SLC4A4: variants seen among roughly 807,000 people sequenced by gnomAD.
The protein encoded by SLC4A4 is electrogenic sodium bicarbonate cotransporter 1.
SLC4A4 carries 27 observed loss-of-function variants against 111.5 expected under a neutral mutation model. That is an observed-to-expected ratio of 0.24 (90% CI 0.18 to 0.33). The LOEUF is 0.33. SLC4A4 is among the 10% of genes least tolerant of loss of function. SLC4A4 has a pLI of 1.00. For synonymous variants in SLC4A4, 443 were observed against 463.4 expected (o/e 0.96, Z 0.57); for missense variants, 909 against 1,315.5 (o/e 0.69, Z 4.78).
chr4:71,137,045 A>T (rs1329729711), intron 2 of SLC4A4, among the ~76,000 whole-genome samples: 1 of 152,102 alleles, frequency 6.6e-6, no homozygotes, highest in Non-Finnish European at 1.5e-5. Flanking sequence ...TGAGAATATA[A>T]TATCATGACC....
intron 1 of SLC4A4, among the ~76,000 whole-genome samples, chr4:71,198,311 A>G (rs1390117156): frequency 2.0e-5 from 3 of 152,236 alleles, no homozygotes; most frequent in Non-Finnish European, 4.4e-5. Flanking sequence ...TCCTTAATAT[A>G]TTGATAAATA....
intron 6 of SLC4A4, among the ~76,000 whole-genome samples, chr4:71,365,909 T>C (rs1235589405): frequency 1.3e-5 from 2 of 152,172 alleles, no homozygotes; most frequent in Non-Finnish European, 2.9e-5. Flanking sequence ...TTAATAATCA[T>C]ATGCTAATTC....
At position 71,106,165 on chromosome 4, in the gene SLC4A4, T is replaced by C. The variant is rs1010400285; in HGVS notation, c.-2+13373T>C. Reference sequence around the variant, plus strand: ...GACATTTATGCAGTCAAAAAACACATGAAAAAATGCTAACCATCACTGGCC... The same window carrying C: ...GACATTTATGCAGTCAAAAAACACACGAAAAAATGCTAACCATCACTGGCC... On this transcript the variant is annotated intron_variant, in intron 2 of 26. Coordinates refer to the SLC4A4 transcript ENST00000649996. 1.1e-4 allele frequency among the ~76,000 whole-genome samples: 17 copies of C among 151,728 alleles called. No homozygotes were observed. The East Asian group carries it at 3.3e-3, about 30-fold the overall frequency.
chr4:71,182,476 GGT>G (rs1745323104), upstream of SLC4A4, among the ~76,000 whole-genome samples: 1 of 152,132 alleles, frequency 6.6e-6, no homozygotes. Context: ...GGATGTGAAC[GGT>G]AATAGGCCAG....
At chr4:71,184,728 A>C (rs182208948), upstream of SLC4A4, among the ~76,000 whole-genome samples, 1 of 152,354 alleles carries the variant, frequency 6.6e-6, no homozygotes, top group East Asian at 1.9e-4. Context: ...GTGAACAAAA[A>C]TCTCAGGATT....
intron 6 of SLC4A4, among the ~76,000 whole-genome samples, chr4:71,366,315 T>TTGTGTG (rs71673473): frequency 0.073 from 10,060 of 137,828 alleles, 407 homozygotes; most frequent in Non-Finnish European, 0.078. Flanking sequence ...TCTGGAGATA[T>TTGTGTG]TGTGTGTGTG....
chr4:71,079,748 G>T lies in SLC4A4; in HGVS notation c.-64-12982G>T, dbSNP rs78390216. 3.0e-4 allele frequency among the ~76,000 whole-genome samples: 45 copies of T among 149,108 alleles called. No homozygotes were observed. In the East Asian group the frequency reaches 7.0e-3, roughly 23 times the overall value. ...CAGTGGCTGTGCCACTGCATTCTAG[G>T]CTAGGTGATAGAATGAAACTCTGTC... On this transcript the variant is annotated intron_variant, in intron 1 of 26. Coordinates refer to the SLC4A4 transcript ENST00000649996.
At chr4:71,424,765 C>G (rs2149030697) in intron 7 of SLC4A4, among the ~76,000 whole-genome samples, 1 of 152,158 alleles carries the variant, frequency 6.6e-6, no homozygotes, top group Non-Finnish European at 1.5e-5. Flanking sequence ...ACCGCATATT[C>G]TCACTCATAG....
chr4:71,495,026 A>G (rs1730274686), intron 15 of SLC4A4, among the ~76,000 whole-genome samples: 1 of 152,246 alleles, frequency 6.6e-6, no homozygotes, highest in Admixed American at 6.5e-5. Context: ...ATGCTGAGAT[A>G]TGTGCATGCC....
intron 2 of SLC4A4, among the ~76,000 whole-genome samples, chr4:71,130,776 C>T (rs1001927537): frequency 6.6e-6 from 1 of 152,128 alleles, no homozygotes; most frequent in East Asian, 1.9e-4. Flanking sequence ...CCTCACTGCA[C>T]CTAACATAAG....
chr4:71,464,629 C>A (rs745596941), intron 12 of SLC4A4, among the ~76,000 whole-genome samples: 3 of 152,066 alleles, frequency 2.0e-5, no homozygotes, highest in Non-Finnish European at 4.4e-5. Flanking sequence ...TGTGTATTTG[C>A]CATGAGAGAA....
rs1045280829 is a variant in SLC4A4, at chr4:71,171,742, C to T, written c.-1-64834C>T. ...TTCTTTTGCATTCTCTGAAAAATCA[C>T]CTCCATCTACTTGATTACTCTGGTC... On this transcript the variant is annotated intron_variant, in intron 2 of 26. Transcript: ENST00000649996. 9.2e-5 allele frequency among the ~76,000 whole-genome samples: 14 copies of T among 152,148 alleles called. No homozygotes were observed. The East Asian group carries it at 1.2e-3, about 13-fold the overall frequency.
At chr4:71,361,030 G>C (rs1415435146) in intron 6 of SLC4A4, among the ~76,000 whole-genome samples, 2 of 152,108 alleles carry the variant, frequency 1.3e-5, no homozygotes, top group Non-Finnish European at 2.9e-5. Context: ...GAGGAGGAGC[G>C]GCCCGGCTTC....
At chr4:71,555,693 T>C (rs1020980757) in intron 21 of SLC4A4, among the ~76,000 whole-genome samples, 1 of 151,970 alleles carries the variant, frequency 6.6e-6, no homozygotes, top group African/African-American at 2.4e-5. Context: ...ATTGCTTTTG[T>C]TGAAAACTTC....
chr4:71,200,755 A>G (rs930642830), intron 1 of SLC4A4, among the ~76,000 whole-genome samples: 1 of 151,992 alleles, frequency 6.6e-6, no homozygotes, highest in Non-Finnish European at 1.5e-5. Context: ...GTGTATACCT[A>G]TCTAACAAAC....
intron 2 of SLC4A4, among the ~76,000 whole-genome samples, chr4:71,127,550 T>C (rs1392751341): frequency 6.6e-6 from 1 of 152,198 alleles, no homozygotes; most frequent in Non-Finnish European, 1.5e-5. Context: ...AAGTGTTATA[T>C]AAAGATTAAC....
chr4:71,567,175 T>G (rs1737560363), intron 25 of SLC4A4, 92 bp downstream of exon 25: 1 of 962,646 alleles, frequency 1.0e-6, no homozygotes, highest in South Asian at 1.5e-5. Context: ...AACTTCTTGT[T>G]CTCCTTCGTC....
chr4:71,487,255 T>C (rs900210929), intron 15 of SLC4A4, among the ~76,000 whole-genome samples: 16 of 151,752 alleles, frequency 1.1e-4, no homozygotes, highest in Admixed American at 1.1e-3. Flanking sequence ...TTCTATAACA[T>C]GCTTTTTAAA....
At chr4:71,365,228 T>C (rs1487568149) in intron 6 of SLC4A4, among the ~76,000 whole-genome samples, 1 of 152,164 alleles carries the variant, frequency 6.6e-6, no homozygotes, top group African/African-American at 2.4e-5. Context: ...CACATGTGAG[T>C]GCTTTTTTCT....
Sources: gnomAD v4.1 joint callset for allele counts (sites outside exome capture counted in the v4.1 genomes callset) on GRCh38, gnomAD v4.1.1 for gene constraint, MANE v1.5 for transcripts, NCBI Gene and HGNC (gene_info 2026-07-23, HGNC 2026-07-21) for gene names.